The following PNLDC1 variants were observed in gnomAD, a reference collection of about 807,000 sequenced individuals.
PNLDC1 encodes the protein PARN like ribonuclease domain containing exonuclease 1.
In PNLDC1, 70 loss-of-function variants were observed where a neutral mutation model predicts 82.0. The ratio of observed to expected loss-of-function variants is 0.85; its 90% CI spans 0.70 to 1.04. PNLDC1 has a LOEUF of 1.04. PNLDC1 is among the 50% of genes least tolerant of loss of function. PNLDC1 has a pLI of 0.00. For synonymous variants in PNLDC1, 280 were observed against 249.3 expected (o/e 1.12, Z -1.16); for missense variants, 631 against 661.1 (o/e 0.95, Z 0.50).
rs775489998 is a variant in PNLDC1, at chr6:159,816,595, A to C, written c.1113A>C (p.Ser371=). The change falls in exon 14 of 19, where the codon TCA becomes TCC. Residue 371 remains serine, a splice_region_variant and synonymous_variant. Coordinates refer to ENST00000392167, the MANE Select transcript of PNLDC1 (RefSeq NM_001271862.2). Reference sequence around the variant, plus strand: ...CGTATGATGCCTTCCTCTGTGGGTCAGGTAAGGATTGCGGTTCCTTTAAAA... The same window carrying C: ...CGTATGATGCCTTCCTCTGTGGGTCCGGTAAGGATTGCGGTTCCTTTAAAA... ...EAAYDAFLCG[S]VLLKVAHLLL... 8.7e-6 allele frequency: 14 copies of C among 1,611,848 alleles called. No individual in the cohort carries two copies. Among genetic ancestry groups the C allele is most frequent in the Non-Finnish European group, 1.2e-5 (14 of 1,179,042 alleles).
Position 159,810,046 on chromosome 6 carries a change from G to A in PNLDC1, c.804G>A (p.Met268Ile). 6.2e-7 allele frequency: 1 copy of A among 1,614,112 alleles called. No individual in the cohort carries two copies. The highest frequency in any genetic ancestry group is 8.5e-7 in the Non-Finnish European group (1 of 1,179,968). Residue 268 changes from methionine (M) to isoleucine (I), a missense_variant, in exon 10 of 19, where the codon ATG (methionine) becomes ATA (isoleucine). Physicochemically the swap from Met to Ile is conservative, Grantham distance 10. Coordinates refer to ENST00000392167, the MANE Select transcript of PNLDC1 (RefSeq NM_001271862.2). Reference sequence around the variant, plus strand: ...AGTAGCCCTTAGTGGGACATAATATGATGATGGACCTGCTGCACCTCCATG... The same window carrying A: ...AGTAGCCCTTAGTGGGACATAATATAATGATGGACCTGCTGCACCTCCATG... Reference protein sequence around the residue: ...KAQKPLVGHNMMMDLLHLHEK... With the variant: ...KAQKPLVGHNIMMDLLHLHEK...
rs144377714 is a variant in PNLDC1, at chr6:159,820,490, G to A, written c.1569G>A (p.Ala523=). 98 of 1,614,156 alleles carry A rather than the reference G, an allele frequency of 6.1e-5. No individual in the cohort carries two copies. The highest frequency in any genetic ancestry group is 3.3e-4 in the Middle Eastern group (2 of 6,062). ...CGIVTAWALL[A]FILGRSGT is the part of the protein sequence containing the mutation. Reference sequence around the variant, plus strand: ...TAGTGACTGCCTGGGCCCTTCTCGCGTTCATCCTTGGAAGATCTGGTACCT... The same window carrying A: ...TAGTGACTGCCTGGGCCCTTCTCGCATTCATCCTTGGAAGATCTGGTACCT... The change falls in exon 19 of 19, where the codon GCG becomes GCA. Residue 523 remains alanine (A), a synonymous_variant. Coordinates refer to ENST00000392167, the MANE Select transcript of PNLDC1 (RefSeq NM_001271862.2).
Position 159,819,751 on chromosome 6 carries a change from G to A in PNLDC1, c.1532+399G>A, listed in dbSNP as rs1781973534. Among the ~76,000 whole-genome samples, 2 of 152,166 alleles carry A rather than the reference G, an allele frequency of 1.3e-5. No individual in the cohort carries two copies. Among genetic ancestry groups the A allele is most frequent in the South Asian group, 4.1e-4 (2 of 4,832 alleles). ...GATGGGGGTCTTCATTAGAGACTTG[G>A]AGTGAGCCAGGCGGAGGGGGCAGCA... is the stretch of plus-strand genomic sequence containing the variant. On this transcript the variant is annotated intron_variant, in intron 18 of 18. Transcript: ENST00000392167. This position sits in a 1 kb window ranked among gnomAD's most constrained non-coding sequence, Gnocchi z 4.6.
chr6:159,803,179 G>A, intron 3 of PNLDC1, 92 bp from the exon 4 acceptor site: 1 of 1,209,130 alleles, frequency 8.3e-7, no homozygotes, highest in Non-Finnish European at 1.2e-6. Context: ...GTATCTGTGG[G>A]CGCAAAGTAC....
chr6:159,808,402 GGTTTTT>G lies in PNLDC1; in HGVS notation c.563-334_563-329del, dbSNP rs542635743. 1.2e-4 allele frequency among the ~76,000 whole-genome samples: 18 copies of G among 151,952 alleles called. No homozygotes were observed. In the South Asian group the frequency reaches 3.8e-3, roughly 32 times the overall value. ...GTGTTATTTTTGTTCATGTATAATG[GGTTTTT>G]GTTACTTAAAAAACTTCTTTAAATG... is the stretch of plus-strand genomic sequence containing the variant. On this transcript the variant is annotated intron_variant, in intron 7 of 18. Transcript: ENST00000392167.
chr6:159,820,565 G>A lies in PNLDC1; in HGVS notation c.*48G>A, dbSNP rs1216958064. Reference sequence around the variant, plus strand: ...CACCCTCGGGTCCCCATGCTCTCTGGGAGGTGTGCTGGGTGTGTTCGTGTA... The same window carrying A: ...CACCCTCGGGTCCCCATGCTCTCTGAGAGGTGTGCTGGGTGTGTTCGTGTA... On this transcript the variant is annotated 3_prime_UTR_variant, in exon 19 of 19. Transcript: ENST00000392167. 1.3e-6 allele frequency: 2 copies of A among 1,560,828 alleles called. No individual in the cohort carries two copies. The highest frequency in any genetic ancestry group is 2.7e-5 in the African/African-American group (2 of 73,836).
chr6:159,809,244 A>T, intron 9 of PNLDC1, 86 bp downstream of exon 9: 1 of 1,517,054 alleles, frequency 6.6e-7, no homozygotes, highest in Non-Finnish European at 8.9e-7. Flanking sequence ...CAACAACAAG[A>T]TAAAATTCTT....
rs533894730 is a variant in PNLDC1 at position 159,813,672 on chromosome 6, C to G, written c.995+16C>G. ...TCCTGAACAGGTGAGGACGGCGATTCCTGGAGCTACTGCTGGAGCGGCCTT... is the reference window on the plus strand; with the variant it reads ...TCCTGAACAGGTGAGGACGGCGATTGCTGGAGCTACTGCTGGAGCGGCCTT... On this transcript the variant is annotated intron_variant, in intron 12 of 18. Transcript: ENST00000392167. 221 of 1,612,348 alleles carry G rather than the reference C, an allele frequency of 1.4e-4. No homozygotes were observed. In the East Asian group the frequency reaches 4.8e-3, roughly 35 times the overall value.
chr6:159,806,164 C>A, intron 7 of PNLDC1, 81 bp downstream of exon 7: 1 of 1,077,944 alleles, frequency 9.3e-7, no homozygotes, highest in Non-Finnish European at 1.4e-6. Flanking sequence ...GAAACACACC[C>A]TTTCTTGGGA....
intron 15 of PNLDC1, 74 bp from the exon 16 acceptor site, chr6:159,818,481 G>A: frequency 7.5e-7 from 1 of 1,341,502 alleles, no homozygotes; most frequent in Non-Finnish European, 1.1e-6. Flanking sequence ...TCTGTCACCG[G>A]ATTCTTGGCT....
Position 159,804,657 on chromosome 6 carries a change from G to T in PNLDC1, c.461+20G>T, listed in dbSNP as rs1781383229. 1.3e-6 allele frequency: 2 copies of T among 1,553,182 alleles called. No homozygotes were observed. The highest frequency in any genetic ancestry group is 1.8e-6 in the Non-Finnish European group (2 of 1,127,916). The stretch of plus-strand genomic sequence containing the variant: ...TCGCAGGTATGGCCTGTTTCTCCAG[G>T]TGCCTTTTTGTTTCCTTGTTGCTGT... On this transcript the variant is annotated intron_variant, in intron 6 of 18. Coordinates refer to ENST00000392167, the MANE Select transcript of PNLDC1 (RefSeq NM_001271862.2).
In PNLDC1 at chr6:159,816,044, A is replaced by G. The variant is rs1322164651; in HGVS notation, c.1060+11A>G. On this transcript the variant is annotated intron_variant, in intron 13 of 18. Transcript: ENST00000392167. The stretch of plus-strand genomic sequence containing the variant: ...GGTGTGAGAAATATGGTACGTTCCC[A>G]TGAGCCCATAATCCTTGCACAGTCG... 1 of 1,589,532 alleles carries G rather than the reference A, an allele frequency of 6.3e-7. No individual in the cohort carries two copies. Among genetic ancestry groups the G allele is most frequent in the East Asian group, 2.3e-5 (1 of 43,376 alleles).
chr6:159,818,881 C>G (rs1251313537), intron 16 of PNLDC1, 65 bp from the exon 17 acceptor site: 25 of 1,552,732 alleles, frequency 1.6e-5, no homozygotes, highest in Non-Finnish European at 2.1e-5. Context: ...CTTTTGAGAT[C>G]TTCAGACTGG....
chr6:159,801,534 C>T (rs1231190543), intron 3 of PNLDC1, among the ~76,000 whole-genome samples: 1 of 152,150 alleles, frequency 6.6e-6, no homozygotes, highest in Non-Finnish European at 1.5e-5. Context: ...GCAGCCTAGA[C>T]TTCCTGGGCT....
rs867021070 is a variant in PNLDC1 at position 159,819,386 on chromosome 6, G to A, written c.1532+34G>A. 3.8e-6 allele frequency: 6 copies of A among 1,597,136 alleles called. No individual in the cohort carries two copies. Among genetic ancestry groups the A allele is most frequent in the Middle Eastern group, 3.3e-4 (2 of 5,990 alleles). On this transcript the variant is annotated intron_variant, in intron 18 of 18. Coordinates refer to ENST00000392167, the MANE Select transcript of PNLDC1 (RefSeq NM_001271862.2). The surrounding 1 kb of genome is among the most constrained non-coding windows in gnomAD (Gnocchi z 4.6). The stretch of plus-strand genomic sequence containing the variant: ...CAGGCTGAGGCCACCTGCCTGTCCT[G>A]GGGTCCTGGAGTGCCCGGGGTCCCA...
rs533814814 is a variant in PNLDC1, at chr6:159,818,319, T to G, written c.1158-236T>G. Among the ~76,000 whole-genome samples the G allele has an allele frequency of 2.1e-4, 32 of 152,284 alleles. 1 individual carries two copies. The East Asian group carries it at 5.2e-3, about 25-fold the overall frequency. On this transcript the variant is annotated intron_variant, in intron 15 of 18. Coordinates refer to ENST00000392167, the MANE Select transcript of PNLDC1 (RefSeq NM_001271862.2). ...CACCAGTGGGACCCTCACCAAACCA[T>G]CACCAGCAGATGGTGACTGTCTGGA... is the stretch of plus-strand genomic sequence containing the variant.
intron 1 of PNLDC1, 192 bp downstream of exon 1, chr6:159,800,575 C>G: frequency 6.8e-7 from 1 of 1,460,240 alleles, no homozygotes; most frequent in Admixed American, 1.8e-5. Flanking sequence ...CCCCACGTCC[C>G]TTGTTGGCCA....
intron 13 of PNLDC1, 131 bp from the exon 14 acceptor site, chr6:159,816,412 T>C: frequency 1.2e-6 from 1 of 828,486 alleles, no homozygotes; most frequent in Non-Finnish European, 2.1e-6. Flanking sequence ...AGTTGGTGTG[T>C]GGGCCTGGAG....
At chr6:159,815,397 C>T (rs1781779396) in intron 12 of PNLDC1, among the ~76,000 whole-genome samples, 1 of 152,240 alleles carries the variant, frequency 6.6e-6, no homozygotes, top group Non-Finnish European at 1.5e-5. Flanking sequence ...GGGCTCCTCC[C>T]CACCCTCTTG....
Sources: gnomAD v4.1 joint callset for allele counts (sites outside exome capture counted in the v4.1 genomes callset) on GRCh38, gnomAD v4.1.1 for gene constraint, Gnocchi (gnomAD v3.1) non-coding constraint, MANE v1.5 for transcripts, NCBI Gene and HGNC (gene_info 2026-07-23, HGNC 2026-07-21) for gene names.